Variants in ZCCHC7 observed in about 807,000 individuals in gnomAD.
ZCCHC7 encodes zinc finger CCHC domain-containing protein 7.
A neutral mutation model predicts 52.0 loss-of-function variants in ZCCHC7; 35 were observed. The observed-to-expected ratio is 0.67, with a 90% CI of 0.51 to 0.89. The LOEUF is 0.89. Ranked by LOEUF, ZCCHC7 falls within the 40% of genes least tolerant of loss-of-function variation. ZCCHC7 has a pLI of 0.00. For missense variants in ZCCHC7, 574 were observed against 649.1 expected, an observed-to-expected ratio of 0.88 and a Z score of 1.26; for synonymous variants, 217 against 221.5, an observed-to-expected ratio of 0.98 and a Z score of 0.18.
At chr9:37,226,649 C>G (rs1158961541) in intron 2 of ZCCHC7, among the ~76,000 whole-genome samples, 3 of 152,118 alleles carry the variant, frequency 2.0e-5, no homozygotes, top group Admixed American at 2.0e-4. Flanking sequence ...AAAAATGAAC[C>G]ATATCTCTTC....
chr9:37,316,552 T>G (rs552325349), intron 5 of ZCCHC7, among the ~76,000 whole-genome samples: 11 of 151,824 alleles, frequency 7.2e-5, no homozygotes, highest in South Asian at 2.1e-4. Context: ...CTCGAACTCC[T>G]AACCTCGAGT....
At chr9:37,158,950 C>G (rs553942728) in intron 2 of ZCCHC7, among the ~76,000 whole-genome samples, 6 of 152,192 alleles carry the variant, frequency 3.9e-5, no homozygotes, top group Admixed American at 2.6e-4. Context: ...AGTCTTGGAA[C>G]AGCAGCCAAT....
chr9:37,155,431 A>G (rs1194802342), intron 2 of ZCCHC7, among the ~76,000 whole-genome samples: 1 of 152,084 alleles, frequency 6.6e-6, no homozygotes, highest in Admixed American at 6.5e-5. Context: ...AATTGATATT[A>G]TTAATATGTA....
At chr9:37,152,839 C>G (rs1263531566) in intron 2 of ZCCHC7, among the ~76,000 whole-genome samples, 1 of 152,128 alleles carries the variant, frequency 6.6e-6, no homozygotes, top group Admixed American at 6.5e-5. Flanking sequence ...GGAAGGAAGT[C>G]ACTATACACA....
At chr9:37,289,663 T>G (rs1238977439) in intron 2 of ZCCHC7, among the ~76,000 whole-genome samples, 1 of 152,256 alleles carries the variant, frequency 6.6e-6, no homozygotes, top group African/African-American at 2.4e-5. Flanking sequence ...GGAGTGATTC[T>G]TTGAGTTATA....
intron 2 of ZCCHC7, among the ~76,000 whole-genome samples, chr9:37,222,001 G>A (rs995793041): frequency 2.0e-5 from 3 of 152,094 alleles, no homozygotes; most frequent in Admixed American, 6.6e-5. Flanking sequence ...CAGGAAATGT[G>A]TGGAGTTTAT....
chr9:37,142,364 T>C (rs1843265611), intron 2 of ZCCHC7, among the ~76,000 whole-genome samples: 1 of 151,844 alleles, frequency 6.6e-6, no homozygotes. Flanking sequence ...ACTTTGGGAA[T>C]TGGGGTAAGG....
intron 2 of ZCCHC7, among the ~76,000 whole-genome samples, chr9:37,293,982 A>G (rs1183230577): frequency 1.3e-5 from 2 of 152,196 alleles, no homozygotes; most frequent in Non-Finnish European, 2.9e-5. Flanking sequence ...TAAATTTAAT[A>G]TGATTTAAAA....
At chr9:37,170,948 A>G (rs575236484) in intron 2 of ZCCHC7, among the ~76,000 whole-genome samples, 1 of 152,212 alleles carries the variant, frequency 6.6e-6, no homozygotes, top group Non-Finnish European at 1.5e-5. Context: ...TAAGTTCATC[A>G]GTAGAAAAAC....
intron 2 of ZCCHC7, among the ~76,000 whole-genome samples, chr9:37,279,208 CA>C (rs879633649): frequency 0.014 from 1,686 of 122,708 alleles, 19 homozygotes; most frequent in African/African-American, 0.034. Context: ...ATGTTGAAAG[CA>C]AAAAAAAAAA....
intron 7 of ZCCHC7, 61 bp downstream of exon 7, chr9:37,349,513 A>C: frequency 6.8e-7 from 1 of 1,470,898 alleles, no homozygotes; most frequent in Non-Finnish European, 9.4e-7. Context: ...TTTCTGAAAG[A>C]TGAACTCAAA....
intron 2 of ZCCHC7, among the ~76,000 whole-genome samples, chr9:37,134,381 A>G (rs1842916239): frequency 6.6e-6 from 1 of 152,170 alleles, no homozygotes; most frequent in Non-Finnish European, 1.5e-5. Context: ...TGGTAGTTAG[A>G]TCTAGAAGCT....
rs1436740529 is a variant in ZCCHC7 at position 37,357,165 on chromosome 9, C to T, written c.1529C>T (p.Pro510Leu). Residue 510 changes from proline (P) to leucine (L), a missense_variant, in exon 9 of 9, where the codon CCC becomes CTC. Pro to Leu is a moderately conservative substitution (Grantham distance 98). Around this residue, in one of 3 missense-constraint regions of ZCCHC7, gnomAD observed 168 missense variants for 171.6 expected, o/e 0.98. Coordinates refer to ENST00000336755, the MANE Select transcript of ZCCHC7 (RefSeq NM_032226.3). ...HYHTSREDKS[P>L]KEGKRGKQKK... ...CACACGTCAAGAGAAGACAAGTCTC[C>T]CAAGGAAGGCAAGAGGGGCAAGCAG... The T allele has an allele frequency of 6.2e-7, 1 of 1,613,160 alleles. No individual in the cohort carries two copies. The highest frequency in any genetic ancestry group is 1.3e-5 in the African/African-American group (1 of 74,700).
intron 2 of ZCCHC7, among the ~76,000 whole-genome samples, chr9:37,194,452 T>A (rs1254027285): frequency 6.6e-6 from 1 of 152,082 alleles, no homozygotes; most frequent in Non-Finnish European, 1.5e-5. Flanking sequence ...GTATAGGGAA[T>A]GGAATTATTT....
chr9:37,218,942 ATTT>A (rs5897682), intron 2 of ZCCHC7, among the ~76,000 whole-genome samples: 23 of 106,388 alleles, frequency 2.2e-4, no homozygotes, highest in Non-Finnish European at 2.3e-4. Flanking sequence ...CTAGAGCAAC[ATTT>A]TTTTTTTTTT....
chr9:37,267,401 G>A (rs561494681), intron 2 of ZCCHC7, among the ~76,000 whole-genome samples: 4 of 151,740 alleles, frequency 2.6e-5, no homozygotes, highest in Admixed American at 6.6e-5. Context: ...TTGGTGGTGG[G>A]GGGGAGACAG....
Position 37,336,376 on chromosome 9 carries a change from A to G in ZCCHC7, c.987+8542A>G, listed in dbSNP as rs557570690. Among the ~76,000 whole-genome samples the G allele has an allele frequency of 1.4e-4, 22 of 152,296 alleles. No homozygotes were observed. The South Asian group carries it at 2.9e-3, about 20-fold the overall frequency. On this transcript the variant is annotated intron_variant, in intron 6 of 8. Transcript: ENST00000336755. ...ACAAGCAAAGGCTCAGATGGAACAT[A>G]TTGTAAAAGCAAAAGAACATTACTT... is the stretch of plus-strand genomic sequence containing the variant.
chr9:37,161,445 G>C (rs578242090), intron 2 of ZCCHC7, among the ~76,000 whole-genome samples: 36 of 152,130 alleles, frequency 2.4e-4, no homozygotes, highest in African/African-American at 8.4e-4. Flanking sequence ...CATGGTGGCA[G>C]CCTCCTGTAG....
chr9:37,121,544 A>G (rs1034464003), intron 1 of ZCCHC7: 2 of 152,220 alleles, frequency 1.3e-5, no homozygotes, highest in African/African-American at 2.4e-5. Flanking sequence ...AGGCTGTCGC[A>G]TACAAAGACT....
Sources: gnomAD v4.1 joint callset for allele counts (sites outside exome capture counted in the v4.1 genomes callset) on GRCh38, gnomAD v4.1.1 for gene constraint, gnomAD v4.1.1 regional missense constraint, MANE v1.5 for transcripts, NCBI Gene and HGNC (gene_info 2026-07-23, HGNC 2026-07-21) for gene names.